The following NUBP1 variants were observed in gnomAD, a reference collection of about 807,000 sequenced individuals.
NUBP1 encodes NUBP iron-sulfur cluster assembly factor 1, cytosolic, also known as cytosolic Fe-S cluster assembly factor NUBP1.
A neutral mutation model predicts 41.8 loss-of-function variants in NUBP1; 46 were observed. The observed-to-expected ratio is 1.10, with a 90% CI of 0.87 to 1.41. The LOEUF is 1.41. NUBP1 is among the 40% of genes most tolerant of loss of function. The pLI is 0.00. For missense variants in NUBP1, 494 were observed against 414.0 expected (o/e 1.19, Z -1.68); for synonymous variants, 189 against 154.6 (o/e 1.22, Z -1.65).
intron 3 of NUBP1, 29 bp downstream of exon 3, chr16:10,747,305 C>T (rs1470342023): frequency 1.9e-6 from 3 of 1,608,410 alleles, no homozygotes; most frequent in East Asian, 4.5e-5. Context: ...CTGGGAGATG[C>T]TCATTTTGTC....
At chr16:10,753,001 G>C (rs956728718) in intron 4 of NUBP1, among the ~76,000 whole-genome samples, 4 of 152,066 alleles carry the variant, frequency 2.6e-5, no homozygotes, top group African/African-American at 9.7e-5. Context: ...CACTACGTTG[G>C]CCAAGCTGGG....
At chr16:10,748,362 C>A (rs1195429002) in intron 3 of NUBP1, among the ~76,000 whole-genome samples, 1 of 152,118 alleles carries the variant, frequency 6.6e-6, no homozygotes, top group Non-Finnish European at 1.5e-5. Context: ...TTTTTGCTGG[C>A]CCTTACACGA....
chr16:10,744,444 C>A (rs891980602), intron 2 of NUBP1, among the ~76,000 whole-genome samples: 2 of 152,204 alleles, frequency 1.3e-5, no homozygotes, highest in African/African-American at 2.4e-5. Flanking sequence ...TTCGGACTTA[C>A]ATCCTGGCTC....
In NUBP1 at chr16:10,759,144, GCT is replaced by G. The variant is rs1900769170; in HGVS notation, c.606+1120_606+1121del. On this transcript the variant is annotated intron_variant, in intron 7 of 10. Coordinates refer to ENST00000283027, the MANE Select transcript of NUBP1 (RefSeq NM_002484.4). The surrounding 1 kb of genome is among the most constrained non-coding windows in gnomAD (Gnocchi z 4.7). ...TCTCACCTCATCCAGCACTCACTGAGCTCTGACTCTGACATGCCGGGCACCAG... is the reference window on the plus strand; with the variant it reads ...TCTCACCTCATCCAGCACTCACTGAGCTGACTCTGACATGCCGGGCACCAG... Among the ~76,000 whole-genome samples, 1 of 152,210 alleles carries G rather than the reference GCT, an allele frequency of 6.6e-6. No homozygotes were observed. Among genetic ancestry groups the G allele is most frequent in the Non-Finnish European group, 1.5e-5 (1 of 68,042 alleles).
rs1057090929 is a variant in NUBP1, at chr16:10,766,948, A to C, written c.821-1001A>C. The C allele has an allele frequency of 2.5e-6, 1 of 398,632 alleles. No homozygotes were observed. The highest frequency in any genetic ancestry group is 2.1e-5 in the African/African-American group (1 of 48,704). The allele number at this position is 398,632 out of a possible 1,614,324, so 24.7% of individuals were successfully genotyped here. On this transcript the variant is annotated intron_variant, in intron 9 of 10. Coordinates refer to ENST00000283027, the MANE Select transcript of NUBP1 (RefSeq NM_002484.4). The surrounding 1 kb of genome is among the most constrained non-coding windows in gnomAD (Gnocchi z 4.8). ...CCTCTGGACCCTATTTTCCTGACTC[A>C]CTGGGCCATATGGGCTCCCCATCTC...
At chr16:10,752,351 G>C (rs1900358118) in intron 3 of NUBP1, among the ~76,000 whole-genome samples, 1 of 152,136 alleles carries the variant, frequency 6.6e-6, no homozygotes, top group Non-Finnish European at 1.5e-5. Flanking sequence ...GCCTCCAAGT[G>C]ACCTGACAGC....
intron 3 of NUBP1, among the ~76,000 whole-genome samples, chr16:10,751,947 C>T (rs1459903997): frequency 6.6e-6 from 1 of 152,296 alleles, no homozygotes; most frequent in Admixed American, 6.5e-5. Context: ...TGAACTGGTC[C>T]CCTCTGAACC....
intron 2 of NUBP1, among the ~76,000 whole-genome samples, chr16:10,744,461 C>A (rs1899970999): frequency 6.6e-6 from 1 of 152,214 alleles, no homozygotes; most frequent in African/African-American, 2.4e-5. Flanking sequence ...GCTCTGCCAG[C>A]TACTTTCTTG....
rs1408033942 is a variant in NUBP1, at chr16:10,765,346, AAAAG to A, written c.821-2602_821-2599del. 1.1e-3 allele frequency among the ~76,000 whole-genome samples: 167 copies of A among 151,464 alleles called. No homozygotes were observed. The highest frequency in any genetic ancestry group is 3.9e-3 in the African/African-American group (160 of 41,370). On this transcript the variant is annotated intron_variant, in intron 9 of 10. Transcript: ENST00000283027. This position sits in a 1 kb window ranked among gnomAD's most constrained non-coding sequence, Gnocchi z 4.0. ...ATCTCTTAAAAAAAAAAAAAAAAAA[AAAAG>A]GAAAAAATTCACCCAGTGTGGTGGC...
chr16:10,752,693 C>T lies in NUBP1; in HGVS notation c.327+15C>T. ...AAGGAGAGCAGGTAATAGCCGGTTA[C>T]AGAACTCAGGAAATTATTCTCTTAA... On this transcript the variant is annotated intron_variant, in intron 4 of 10. Coordinates refer to ENST00000283027, the MANE Select transcript of NUBP1 (RefSeq NM_002484.4). The T allele has an allele frequency of 1.2e-6, 2 of 1,610,070 alleles. No homozygotes were observed. Among genetic ancestry groups the T allele is most frequent in the Non-Finnish European group, 1.7e-6 (2 of 1,176,430 alleles).
intron 7 of NUBP1, among the ~76,000 whole-genome samples, chr16:10,758,812 T>G (rs1183279176): frequency 6.6e-6 from 1 of 152,184 alleles, no homozygotes; most frequent in African/African-American, 2.4e-5. Flanking sequence ...GTGCCTTCGC[T>G]TCTTCCGTAG....
At chr16:10,747,719 G>A (rs1049054438) in intron 3 of NUBP1, among the ~76,000 whole-genome samples, 2 of 152,220 alleles carry the variant, frequency 1.3e-5, no homozygotes, top group South Asian at 2.1e-4. Flanking sequence ...ATGCCCAGTA[G>A]TCAAATGAAG....
intron 3 of NUBP1, among the ~76,000 whole-genome samples, chr16:10,752,183 G>A (rs1382377364): frequency 2.0e-5 from 3 of 152,226 alleles, no homozygotes; most frequent in Non-Finnish European, 4.4e-5. Flanking sequence ...CAGAGACCAA[G>A]GCTTGGTGAG....
chr16:10,753,425 G>C (rs1900414772), intron 4 of NUBP1, among the ~76,000 whole-genome samples: 1 of 152,120 alleles, frequency 6.6e-6, no homozygotes, highest in Non-Finnish European at 1.5e-5. Flanking sequence ...GATGTGGGCT[G>C]GGGGCAGGGC....
chr16:10,747,035 C>T (rs1280577555), intron 2 of NUBP1, 108 bp from the exon 3 acceptor site: 1 of 1,342,778 alleles, frequency 7.4e-7, no homozygotes, highest in Non-Finnish European at 1.0e-6. Context: ...TTAAACAGCC[C>T]CAGGACTAGT....
chr16:10,767,744 T>C lies in NUBP1; in HGVS notation c.821-205T>C. 1 of 585,104 alleles carries C rather than the reference T, an allele frequency of 1.7e-6. No homozygotes were observed. Among genetic ancestry groups the C allele is most frequent in the Non-Finnish European group, 3.0e-6 (1 of 328,550 alleles). 36.2% of individuals were successfully genotyped at this position (585,104 alleles called of 1,614,324 possible). ...CATTTTCTGTACACCACCTGATTAT[T>C]TAGCCACGCTGAAATGCTGGCTGGG... is the stretch of plus-strand genomic sequence containing the variant. On this transcript the variant is annotated intron_variant, in intron 9 of 10. Transcript: ENST00000283027. The surrounding 1 kb of genome is among the most constrained non-coding windows in gnomAD (Gnocchi z 4.6).
intron 9 of NUBP1, among the ~76,000 whole-genome samples, chr16:10,762,772 G>A (rs781619186): frequency 1.9e-4 from 29 of 151,194 alleles, no homozygotes; most frequent in African/African-American, 3.4e-4. Context: ...GGGGCCGGGC[G>A]GGTGAAGTAT....
intron 4 of NUBP1, among the ~76,000 whole-genome samples, chr16:10,754,129 C>T (rs889882281): frequency 4.6e-5 from 7 of 152,130 alleles, no homozygotes; most frequent in African/African-American, 1.7e-4. Flanking sequence ...TCTTCTCCTG[C>T]ACTATTGGAT....
In NUBP1 at chr16:10,757,691, A is replaced by C. The variant is rs983295831; in HGVS notation, c.452-182A>C. On this transcript the variant is annotated intron_variant, in intron 6 of 10. Coordinates refer to ENST00000283027, the MANE Select transcript of NUBP1 (RefSeq NM_002484.4). The surrounding 1 kb of genome is among the most constrained non-coding windows in gnomAD (Gnocchi z 4.1). ...TCATGCTTCTCCGTGAGCTGGGCACAGTGGCACGCACTTATAGTCCTAGTT... is the reference window on the plus strand; with the variant it reads ...TCATGCTTCTCCGTGAGCTGGGCACCGTGGCACGCACTTATAGTCCTAGTT... Among the ~76,000 whole-genome samples the C allele has an allele frequency of 1.3e-5, 2 of 152,130 alleles. No homozygotes were observed. The highest frequency in any genetic ancestry group is 4.8e-5 in the African/African-American group (2 of 41,424).
Sources: gnomAD v4.1 joint callset for allele counts (sites outside exome capture counted in the v4.1 genomes callset) on GRCh38, gnomAD v4.1.1 for gene constraint, Gnocchi (gnomAD v3.1) non-coding constraint, MANE v1.5 for transcripts, NCBI Gene and HGNC (gene_info 2026-07-23, HGNC 2026-07-21) for gene names.